The following MANEA variants were observed in gnomAD, a reference collection of about 807,000 sequenced individuals.
The protein encoded by MANEA is mannosidase endo-alpha, also known as glycoprotein endo-alpha-1,2-mannosidase.
In MANEA, 25 loss-of-function variants were observed where a neutral mutation model predicts 36.8. The ratio of observed to expected loss-of-function variants is 0.68; its 90% CI spans 0.50 to 0.95. The LOEUF (loss-of-function observed/expected upper bound fraction) is 0.95. MANEA is among the 40% of genes least tolerant of loss of function. The pLI is 0.00. For missense variants in MANEA, 565 were observed against 558.8 expected, an observed-to-expected ratio of 1.01 and a Z score of -0.11; for synonymous variants, 198 against 188.5, an observed-to-expected ratio of 1.05 and a Z score of -0.41.
intron 2 of MANEA, among the ~76,000 whole-genome samples, chr6:95,592,144 G>A (rs1016038130): frequency 3.3e-5 from 5 of 152,138 alleles, no homozygotes; most frequent in Non-Finnish European, 7.4e-5. Context: ...ATTTGGATAA[G>A]GTAATTTCTT....
At chr6:95,604,762 A>G in intron 3 of MANEA, 65 bp from the exon 4 acceptor site, 1 of 635,130 alleles carries the variant, frequency 1.6e-6, no homozygotes, top group Non-Finnish European at 2.6e-6. Flanking sequence ...TAAATATATT[A>G]AGTATACTTC....
At chr6:95,588,514 G>T (rs961697832) in intron 2 of MANEA, among the ~76,000 whole-genome samples, 1 of 151,830 alleles carries the variant, frequency 6.6e-6, no homozygotes, top group East Asian at 1.9e-4. Context: ...CTTCTGTGTG[G>T]TCAATATGTA....
intron 3 of MANEA, among the ~76,000 whole-genome samples, chr6:95,603,543 ATAT>A (rs1314431562): frequency 6.6e-6 from 1 of 151,740 alleles, no homozygotes; most frequent in African/African-American, 2.4e-5. Context: ...GTAGAAAATT[ATAT>A]TTTTTTTAAA....
intron 2 of MANEA, chr6:95,590,288 C>A (rs1402533777): frequency 6.6e-6 from 1 of 152,150 alleles, no homozygotes; most frequent in Non-Finnish European, 1.5e-5. Context: ...AAATTATCTT[C>A]CCATTGTTTC....
chr6:95,588,753 T>C (rs1639755763), intron 2 of MANEA, among the ~76,000 whole-genome samples: 1 of 151,670 alleles, frequency 6.6e-6, no homozygotes, highest in Admixed American at 6.6e-5. Context: ...TTCCCCTCCA[T>C]TATAAATATA....
chr6:95,594,451 T>C (rs923629816), intron 2 of MANEA, among the ~76,000 whole-genome samples: 1 of 152,176 alleles, frequency 6.6e-6, no homozygotes, highest in African/African-American at 2.4e-5. Flanking sequence ...GTAATGATTT[T>C]CTGCATTTTT....
At chr6:95,579,245 C>T (rs1260215753) in intron 1 of MANEA, among the ~76,000 whole-genome samples, 3 of 152,078 alleles carry the variant, frequency 2.0e-5, no homozygotes, top group Non-Finnish European at 4.4e-5. Flanking sequence ...TCGTAGCGTG[C>T]GCCTGTAGTC....
Position 95,596,847 on chromosome 6 carries a change from G to GTATTT in MANEA, c.654+13_654+17dup. 7.0e-7 allele frequency: 1 copy of GTATTT among 1,433,486 alleles called. No individual in the cohort carries two copies. Among genetic ancestry groups the GTATTT allele is most frequent in the East Asian group, 2.3e-5 (1 of 43,814 alleles). The allele number at this position is 1,433,486 out of a possible 1,614,324, so 88.8% of individuals were successfully genotyped here. A position where few individuals can be genotyped will look rare whatever the true frequency, so the allele number is the denominator to read the frequency against. On this transcript the variant is annotated splice_donor_variant, in intron 3 of 4. Transcript: ENST00000358812. LOFTEE classifies it high-confidence loss of function. ...TAAAGCTCATAAATATAACCTAAAG[G>GTATTT]TATTTTATTTTATTTTCAAGCTATA...
intron 1 of MANEA, among the ~76,000 whole-genome samples, chr6:95,582,150 G>A (rs1167364625): frequency 6.8e-6 from 1 of 148,038 alleles, no homozygotes; most frequent in Non-Finnish European, 1.5e-5. Flanking sequence ...AATTACAGTG[G>A]CATGCCAAAA....
At chr6:95,602,979 C>T (rs1442893163) in intron 3 of MANEA, among the ~76,000 whole-genome samples, 7 of 142,398 alleles carry the variant, frequency 4.9e-5, no homozygotes, top group Non-Finnish European at 9.0e-5. Context: ...GAGATTGCGC[C>T]ACTGCAGTCC....
chr6:95,585,967 A>G (rs1769272101), intron 1 of MANEA, among the ~76,000 whole-genome samples: 1 of 152,316 alleles, frequency 6.6e-6, no homozygotes, highest in South Asian at 2.1e-4. Flanking sequence ...GTTCAAGACC[A>G]GCCTGGTCAA....
At chr6:95,582,122 G>A (rs56286533) in intron 1 of MANEA, among the ~76,000 whole-genome samples, 88,464 of 146,620 alleles carry the variant, frequency 0.6, 26,838 homozygotes, top group East Asian at 0.87. Context: ...TCAATGATTT[G>A]AAAATTTCAG....
In MANEA at chr6:95,606,599, A is replaced by T. The variant is rs1313142499; in HGVS notation, c.*194A>T. 2 of 317,500 alleles carry T rather than the reference A, an allele frequency of 6.3e-6. No homozygotes were observed. Among genetic ancestry groups the T allele is most frequent in the African/African-American group, 2.1e-5 (1 of 46,516 alleles). The allele number at this position is 317,500 out of a possible 1,614,324, so 19.7% of individuals were successfully genotyped here. A position where few individuals can be genotyped will look rare whatever the true frequency, so the allele number is the denominator to read the frequency against. On this transcript the variant is annotated 3_prime_UTR_variant, in exon 5 of 5. Coordinates refer to ENST00000358812, the MANE Select transcript of MANEA (RefSeq NM_024641.4). ...TACCACATGAGAAAATATCTGAGACAAAATGTATACAAATATATTCCTTAT... is the reference window on the plus strand; with the variant it reads ...TACCACATGAGAAAATATCTGAGACTAAATGTATACAAATATATTCCTTAT...
intron 3 of MANEA, among the ~76,000 whole-genome samples, chr6:95,597,050 A>G (rs1026147785): frequency 1.3e-5 from 2 of 152,060 alleles, no homozygotes; most frequent in East Asian, 1.9e-4. Context: ...CTATGTTTCT[A>G]ATGTTTTATT....
At chr6:95,592,410 G>A (rs1178661867) in intron 2 of MANEA, among the ~76,000 whole-genome samples, 1 of 152,002 alleles carries the variant, frequency 6.6e-6, no homozygotes, top group Admixed American at 6.6e-5. Flanking sequence ...TTGTGAGTCT[G>A]TTTCTATTGA....
At chr6:95,587,549 GTA>G (rs1384511000) in intron 2 of MANEA, among the ~76,000 whole-genome samples, 1 of 152,128 alleles carries the variant, frequency 6.6e-6, no homozygotes, top group African/African-American at 2.4e-5. Flanking sequence ...TTGTATGTGT[GTA>G]TGTCTTTTGC....
chr6:95,596,925 T>G, intron 3 of MANEA, 79 bp downstream of exon 3: 1 of 596,606 alleles, frequency 1.7e-6, no homozygotes. Context: ...TTTGAAATAG[T>G]AATTTTAATT....
chr6:95,602,304 G>A (rs961450598), intron 3 of MANEA, among the ~76,000 whole-genome samples: 2 of 152,104 alleles, frequency 1.3e-5, no homozygotes, highest in Non-Finnish European at 2.9e-5. Flanking sequence ...TAATCTACTG[G>A]AGGTCAGACA....
intron 1 of MANEA, among the ~76,000 whole-genome samples, chr6:95,578,007 G>A (rs551468109): frequency 6.6e-6 from 1 of 152,316 alleles, no homozygotes; most frequent in African/African-American, 2.4e-5. Flanking sequence ...GGGTCGGATG[G>A]AAGCCTTTTT....
Sources: allele counts gnomAD v4.1 joint callset (sites outside exome capture counted in the v4.1 genomes callset), GRCh38; gene constraint gnomAD v4.1.1; transcripts MANE v1.5; gene names NCBI Gene and HGNC (gene_info 2026-07-23, HGNC 2026-07-21).